The following NTN1 variants were observed in gnomAD, a reference collection of about 807,000 sequenced individuals.
NTN1 encodes the protein netrin-1.
A neutral mutation model predicts 54.2 loss-of-function variants in NTN1; 11 were observed. The ratio of observed to expected loss-of-function variants is 0.20; its 90% CI spans 0.13 to 0.34. NTN1 has a LOEUF of 0.34. Ranked by LOEUF, NTN1 falls within the 10% of genes least tolerant of loss-of-function variation. The probability of loss-of-function intolerance (pLI) is 1.00; values close to 1 mark genes in which losing one functional copy is unlikely to be tolerated. For missense variants in NTN1, 740 were observed against 893.1 expected, an observed-to-expected ratio of 0.83 and a Z score of 2.18; for synonymous variants, 371 against 382.0, an observed-to-expected ratio of 0.97 and a Z score of 0.33.
At position 9,023,020 on chromosome 17, in the gene NTN1, G is replaced by T. The variant is rs1264100470; in HGVS notation, c.647G>T (p.Gly216Val). 3 of 1,601,054 alleles carry T rather than the reference G, an allele frequency of 1.9e-6. No homozygotes were observed. In the Admixed American group the frequency reaches 5.1e-5, roughly 27 times the overall value. ...ACCGACATGCGCCCGCTCTCGGGCGGCCTCATCGCCTTCAGCACGCTGGAC... is the reference window on the plus strand; with the variant it reads ...ACCGACATGCGCCCGCTCTCGGGCGTCCTCATCGCCTTCAGCACGCTGGAC... ...SHTDMRPLSGGLIAFSTLDGR... is the reference protein window; with the variant it reads ...SHTDMRPLSGVLIAFSTLDGR... Residue 216 changes from glycine (G) to valine (V), a missense_variant, in exon 2 of 7, where the codon GGC becomes GTC. Coordinates refer to ENST00000173229, the MANE Select transcript of NTN1 (RefSeq NM_004822.3).
intron 2 of NTN1, among the ~76,000 whole-genome samples, chr17:9,033,721 C>G (rs2091894553): frequency 6.6e-6 from 1 of 152,072 alleles, no homozygotes; most frequent in African/African-American, 2.4e-5. Flanking sequence ...AGTTCGAGAC[C>G]AGCCAGACCA....
In NTN1 at chr17:9,127,675, G is replaced by C. The variant is rs1167488984; in HGVS notation, c.1019-35138G>C. Among the ~76,000 whole-genome samples the C allele has an allele frequency of 4.0e-5, 6 of 151,138 alleles. No individual in the cohort carries two copies. In the South Asian group the frequency reaches 8.4e-4, roughly 21 times the overall value. ...AGAGGCAAGTGACCAGGTACCCCAG[G>C]CTTCCTGCAGCTCAGACGGGGGAAC... is the stretch of plus-strand genomic sequence containing the variant. On this transcript the variant is annotated intron_variant, in intron 2 of 6. Transcript: ENST00000173229.
chr17:9,234,305 C>T (rs1446527946), intron 6 of NTN1, among the ~76,000 whole-genome samples: 8 of 152,204 alleles, frequency 5.3e-5, no homozygotes, highest in Admixed American at 5.2e-4. Context: ...CCCCACCCCA[C>T]CTGCATGCAG....
intron 2 of NTN1, among the ~76,000 whole-genome samples, chr17:9,157,833 C>G (rs2092347368): frequency 6.6e-6 from 1 of 152,254 alleles, no homozygotes; most frequent in Non-Finnish European, 1.5e-5. Context: ...TCTCTGTTCT[C>G]ACAAAGCTGC....
the NTN1 span, among the ~76,000 whole-genome samples, chr17:9,015,791 C>G: frequency 6.6e-6 from 1 of 152,082 alleles, no homozygotes; most frequent in Non-Finnish European, 1.5e-5. Context: ...AAACTCCGGG[C>G]CGAGCGTGGT....
chr17:9,216,445 T>C (rs1905218150), intron 5 of NTN1, among the ~76,000 whole-genome samples: 3 of 152,200 alleles, frequency 2.0e-5, no homozygotes, highest in South Asian at 4.2e-4. Flanking sequence ...CTATTGTGTA[T>C]GGCTGTTTTT....
intron 2 of NTN1, among the ~76,000 whole-genome samples, chr17:9,030,754 G>GA (rs1007396204): frequency 3.7e-4 from 55 of 147,030 alleles, no homozygotes; most frequent in Middle Eastern, 3.4e-3. Flanking sequence ...AAAAAGAAAA[G>GA]AAAAAAAAAA....
At chr17:9,015,942 T>C in the NTN1 span, among the ~76,000 whole-genome samples, 4 of 151,478 alleles carry the variant, frequency 2.6e-5, no homozygotes, top group South Asian at 2.1e-4. Flanking sequence ...GGCATGGTGG[T>C]GGGCGCCTGT....
At chr17:9,143,155 A>C (rs935445119) in intron 2 of NTN1, among the ~76,000 whole-genome samples, 1 of 152,218 alleles carries the variant, frequency 6.6e-6, no homozygotes, top group Non-Finnish European at 1.5e-5. Context: ...TTTGTCCAGA[A>C]GGGCTGTCTG....
At chr17:9,162,040 TCCTGAGCAA>T (rs2092358432) in intron 2 of NTN1, among the ~76,000 whole-genome samples, 1 of 151,966 alleles carries the variant, frequency 6.6e-6, no homozygotes, top group Non-Finnish European at 1.5e-5. Context: ...GGGAGCTGAG[TCCTGAGCAA>T]TGCTCATGGG....
chr17:9,133,025 A>G (rs750590774), intron 2 of NTN1, among the ~76,000 whole-genome samples: 8 of 152,060 alleles, frequency 5.3e-5, no homozygotes, highest in Non-Finnish European at 1.2e-4. Flanking sequence ...CACGGACTGT[A>G]GACGCTCACA....
At chr17:9,043,631 C>T (rs948331511) in intron 2 of NTN1, among the ~76,000 whole-genome samples, 8 of 151,248 alleles carry the variant, frequency 5.3e-5, no homozygotes, top group Admixed American at 3.3e-4. Flanking sequence ...GGCTGGAATG[C>T]AATGGCGCGA....
At chr17:9,173,807 C>T (rs968404828) in intron 3 of NTN1, 1 of 152,298 alleles carries the variant, frequency 6.6e-6, no homozygotes, top group Non-Finnish European at 1.5e-5. Context: ...GGGCAATGTC[C>T]CGGGATTCAG....
chr17:9,194,541 G>A (rs933493583), intron 5 of NTN1, among the ~76,000 whole-genome samples: 1 of 152,208 alleles, frequency 6.6e-6, no homozygotes, highest in African/African-American at 2.4e-5. Context: ...CGACCTGGGG[G>A]CTGGAGATCT....
At chr17:9,089,137 G>T (rs1377923421) in intron 2 of NTN1, among the ~76,000 whole-genome samples, 2 of 152,154 alleles carry the variant, frequency 1.3e-5, no homozygotes, top group African/African-American at 4.8e-5. Flanking sequence ...AGGGTGCCAG[G>T]CGCGGTGGCT....
At chr17:9,015,868 C>T in the NTN1 span, among the ~76,000 whole-genome samples, 10 of 152,112 alleles carry the variant, frequency 6.6e-5, no homozygotes, top group Admixed American at 1.3e-4. Context: ...GTCAGAAGCT[C>T]GAGACCAGCC....
At chr17:9,061,957 T>C (rs8068691) in intron 2 of NTN1, among the ~76,000 whole-genome samples, 47,116 of 151,702 alleles carry the variant, frequency 0.31, 7,472 homozygotes, top group East Asian at 0.44. Flanking sequence ...CCTGCCTCGG[T>C]CTCCCAAAGT....
At chr17:9,181,339 T>C (rs1258368451) in intron 4 of NTN1, among the ~76,000 whole-genome samples, 1 of 152,150 alleles carries the variant, frequency 6.6e-6, no homozygotes, top group Non-Finnish European at 1.5e-5. Context: ...GCCCTGTGTG[T>C]GCATCCCAGA....
At chr17:9,222,607 G>A (rs374899868) in intron 6 of NTN1, among the ~76,000 whole-genome samples, 2 of 152,160 alleles carry the variant, frequency 1.3e-5, no homozygotes, top group East Asian at 1.9e-4. Context: ...GGGAGGAAAC[G>A]GCGGTGGAAG....
Sources: allele counts gnomAD v4.1 joint callset (sites outside exome capture counted in the v4.1 genomes callset), GRCh38; gene constraint gnomAD v4.1.1; transcripts MANE v1.5; gene names NCBI Gene and HGNC (gene_info 2026-07-23, HGNC 2026-07-21).